Variants in NOL4L observed in about 807,000 individuals in gnomAD.
The protein encoded by NOL4L is nucleolar protein 4 like.
In NOL4L, 7 loss-of-function variants were observed where a neutral mutation model predicts 64.5. The ratio of observed to expected loss-of-function variants is 0.11; its 90% CI spans 0.06 to 0.20. NOL4L has a LOEUF of 0.20. NOL4L is among the 10% of genes least tolerant of loss of function. NOL4L has a pLI of 1.00. For missense variants in NOL4L, 680 were observed against 967.1 expected, an observed-to-expected ratio of 0.70 and a Z score of 3.94; for synonymous variants, 413 against 401.0, an observed-to-expected ratio of 1.03 and a Z score of -0.36.
chr20:32,464,373 C>CGG lies in NOL4L; in HGVS notation c.842-7980_842-7979dup, dbSNP rs2014362116. 6.6e-6 allele frequency among the ~76,000 whole-genome samples: 1 copy of CGG among 152,202 alleles called. No homozygotes were observed. The highest frequency in any genetic ancestry group is 1.5e-5 in the Non-Finnish European group (1 of 68,020). On this transcript the variant is annotated intron_variant, in intron 5 of 10. Transcript: ENST00000621426. The surrounding 1 kb of genome is among the most constrained non-coding windows in gnomAD (Gnocchi z 5.6). The stretch of plus-strand genomic sequence containing the variant: ...CTACCATCCGGGTGATGGGGCCACA[C>CGG]GGGGCACCTGCATTCTCCACGTGGC...
Position 32,511,441 on chromosome 20 carries a change from G to A in NOL4L, c.605C>T (p.Ser202Phe). ...ATCAATAATCCCAGAGACCAGTGGA[G>A]ATGGAGGCTCGTTTTCTGGCAGAAA... is the stretch of plus-strand genomic sequence containing the variant. ...GLEPKENEPP[S>F]PLVSGIIDYN... Residue 202 changes from serine to phenylalanine, a missense_variant, in exon 4 of 11, where the codon TCT becomes TTT. Transcript: ENST00000621426. The A allele has an allele frequency of 6.5e-7, 1 of 1,550,000 alleles. No homozygotes were observed. Among genetic ancestry groups the A allele is most frequent in the Non-Finnish European group, 8.7e-7 (1 of 1,146,478 alleles).
rs557021738 is a variant in NOL4L, at chr20:32,463,969, T to C, written c.842-7574A>G. Among the ~76,000 whole-genome samples the C allele has an allele frequency of 1.2e-4, 18 of 152,144 alleles. No individual in the cohort carries two copies. The highest frequency in any genetic ancestry group is 4.3e-4 in the African/African-American group (18 of 41,490). The stretch of plus-strand genomic sequence containing the variant: ...TGCCTTCCGTGTCCAGAGGTGTGGC[T>C]GCTGGAGGCAGTGCCGCCTCCATGA... On this transcript the variant is annotated intron_variant, in intron 5 of 10. Transcript: ENST00000621426. This position sits in a 1 kb window ranked among gnomAD's most constrained non-coding sequence, Gnocchi z 5.8.
At chr20:32,537,311 T>C (rs1243606549) in intron 1 of NOL4L, among the ~76,000 whole-genome samples, 1 of 152,064 alleles carries the variant, frequency 6.6e-6, no homozygotes, top group Non-Finnish European at 1.5e-5. Flanking sequence ...ACCAAGATAC[T>C]GCGCCTCCCA....
chr20:32,488,782 C>CCTTCCTTT (rs2016236668), intron 4 of NOL4L, among the ~76,000 whole-genome samples: 1 of 45,756 alleles, frequency 2.2e-5, no homozygotes, highest in Non-Finnish European at 3.5e-5. Flanking sequence ...TTCCTTCCTT[C>CCTTCCTTT]CTTCCTTCCT....
intron 4 of NOL4L, among the ~76,000 whole-genome samples, chr20:32,487,086 T>C (rs1426520209): frequency 1.3e-5 from 2 of 152,042 alleles, no homozygotes; most frequent in Non-Finnish European, 2.9e-5. Flanking sequence ...CTGGCCAACA[T>C]GGTGAAACCC....
intron 1 of NOL4L, among the ~76,000 whole-genome samples, chr20:32,537,945 A>C (rs911714886): frequency 6.6e-6 from 1 of 152,114 alleles, no homozygotes; most frequent in Non-Finnish European, 1.5e-5. Context: ...TGCCTGGCTA[A>C]TTTTTGCAGT....
At chr20:32,493,946 A>G (rs2016565291) in intron 4 of NOL4L, among the ~76,000 whole-genome samples, 1 of 152,116 alleles carries the variant, frequency 6.6e-6, no homozygotes, top group South Asian at 2.1e-4. Flanking sequence ...TTTCTTACTA[A>G]TTCTGTGACT....
chr20:32,465,363 C>T (rs1408589479), intron 5 of NOL4L, among the ~76,000 whole-genome samples: 1 of 152,130 alleles, frequency 6.6e-6, no homozygotes, highest in East Asian at 1.9e-4. Flanking sequence ...ATTCTGGGAG[C>T]CTCCAAGGCC....
chr20:32,559,963 G>A (rs1215115089), intron 1 of NOL4L, among the ~76,000 whole-genome samples: 1 of 152,248 alleles, frequency 6.6e-6, no homozygotes, highest in African/African-American at 2.4e-5. Context: ...TCTGCCTCCA[G>A]GGTGGCCCAG....
At chr20:32,512,848 G>A (rs1353653170) in intron 3 of NOL4L, among the ~76,000 whole-genome samples, 1 of 152,004 alleles carries the variant, frequency 6.6e-6, no homozygotes, top group Non-Finnish European at 1.5e-5. Flanking sequence ...GTTCCCATTG[G>A]GGCTATTATA....
intron 1 of NOL4L, among the ~76,000 whole-genome samples, chr20:32,553,006 G>T (rs893191909): frequency 1.3e-5 from 2 of 152,276 alleles, no homozygotes; most frequent in Admixed American, 1.3e-4. Flanking sequence ...GGCTCTGAGA[G>T]CATAGGAGAT....
chr20:32,574,702 G>C (rs917003654), intron 1 of NOL4L, among the ~76,000 whole-genome samples: 1 of 152,062 alleles, frequency 6.6e-6, no homozygotes, highest in Non-Finnish European at 1.5e-5. Context: ...AGCTTGTGTC[G>C]GGTCCCAGCC....
At chr20:32,514,679 C>T (rs762728675) in intron 3 of NOL4L, among the ~76,000 whole-genome samples, 41 of 152,142 alleles carry the variant, frequency 2.7e-4, no homozygotes, top group Non-Finnish European at 4.6e-4. Context: ...TTCTTAACCT[C>T]AGTGGGGTTT....
At chr20:32,466,481 G>A (rs1233623826) in intron 5 of NOL4L, among the ~76,000 whole-genome samples, 1 of 152,194 alleles carries the variant, frequency 6.6e-6, no homozygotes, top group South Asian at 2.1e-4. Context: ...AGCTGATGAT[G>A]GACACTTTCC....
chr20:32,542,492 A>G (rs2018672377), intron 1 of NOL4L, among the ~76,000 whole-genome samples: 1 of 152,102 alleles, frequency 6.6e-6, no homozygotes, highest in Non-Finnish European at 1.5e-5. Context: ...TAACTGGACC[A>G]TAGGCATGTG....
chr20:32,452,856 C>A (rs751353339), intron 9 of NOL4L, 28 bp downstream of exon 9: 1 of 1,612,792 alleles, frequency 6.2e-7, no homozygotes, highest in Non-Finnish European at 8.5e-7. Context: ...CCAGGAGCGG[C>A]CCCTGTAGTG....
chr20:32,555,792 C>T (rs1978611364), intron 1 of NOL4L, among the ~76,000 whole-genome samples: 1 of 152,126 alleles, frequency 6.6e-6, no homozygotes, highest in Non-Finnish European at 1.5e-5. Context: ...ACCCTGCTGA[C>T]ACCTTGATTT....
chr20:32,513,871 A>G (rs996979963), intron 3 of NOL4L, among the ~76,000 whole-genome samples: 2 of 152,162 alleles, frequency 1.3e-5, no homozygotes, highest in Non-Finnish European at 2.9e-5. Flanking sequence ...AACAAACAAA[A>G]TTATTAAAAA....
rs1204536119 is a variant in NOL4L at position 32,443,064 on chromosome 20, TTTG to T, written c.*4529_*4531del. 1 of 152,070 alleles carries T rather than the reference TTTG, an allele frequency of 6.6e-6. No homozygotes were observed. Among genetic ancestry groups the T allele is most frequent in the African/African-American group, 2.4e-5 (1 of 41,394 alleles). The allele number at this position is 152,070 out of a possible 1,614,324, so 9.4% of individuals were successfully genotyped here. On this transcript the variant is annotated 3_prime_UTR_variant, in exon 11 of 11. Coordinates refer to ENST00000621426, the MANE Select transcript of NOL4L (RefSeq NM_001256798.2). ...GACACAGTGGAAGCAGAGCATTCGG[TTTG>T]TTGTTCAGTGTTTATTAAGTAGATT...
Sources: allele counts gnomAD v4.1 joint callset (sites outside exome capture counted in the v4.1 genomes callset), GRCh38; gene constraint gnomAD v4.1.1; non-coding constraint Gnocchi (gnomAD v3.1); transcripts MANE v1.5; gene names NCBI Gene and HGNC (gene_info 2026-07-23, HGNC 2026-07-21).